The following CPNE4 variants were observed in gnomAD, a reference collection of about 807,000 sequenced individuals.
The protein encoded by CPNE4 is copine-4.
Under a neutral mutation model 67.9 loss-of-function variants are expected in CPNE4, and 25 were observed. The observed-to-expected ratio is 0.37, with a 90% confidence interval of 0.27 to 0.51. The LOEUF (loss-of-function observed/expected upper bound fraction) is 0.51, where lower values mean the gene tolerates loss of function less well. Ranked by LOEUF, CPNE4 falls within the 20% of genes least tolerant of loss-of-function variation. The pLI is 0.93. For synonymous variants in CPNE4, 242 were observed against 244.9 expected (o/e 0.99, Z 0.11); for missense variants, 464 against 690.8 (o/e 0.67, Z 3.68).
intron 1 of CPNE4, among the ~76,000 whole-genome samples, chr3:131,973,303 T>C (rs769855095): frequency 2.0e-5 from 3 of 152,192 alleles, no homozygotes; most frequent in Non-Finnish European, 4.4e-5. Flanking sequence ...CAAGCCTCTG[T>C]TCTATGGACT....
chr3:131,790,421 C>T (rs888146120), intron 2 of CPNE4, among the ~76,000 whole-genome samples: 3 of 152,142 alleles, frequency 2.0e-5, no homozygotes, highest in African/African-American at 7.2e-5. Flanking sequence ...ATACCCCCTA[C>T]CCCAAAATTG....
At chr3:131,928,347 T>C (rs1179596488) in intron 1 of CPNE4, among the ~76,000 whole-genome samples, 2 of 152,180 alleles carry the variant, frequency 1.3e-5, no homozygotes, top group East Asian at 3.9e-4. Flanking sequence ...ATTAGGATTG[T>C]ATTTAACACA....
rs374294088 is a variant in CPNE4 at position 131,698,220 on chromosome 3, C to A, written c.433-1604G>T. ...ACTGTGCTCCAGCCTGGGAGAGGGG[C>A]AAGGCTCTGTCTCAAAAAAAAAAAA... On this transcript the variant is annotated intron_variant, in intron 4 of 15. Coordinates refer to ENST00000429747, the MANE Select transcript of CPNE4 (RefSeq NM_130808.3). 4.6e-4 allele frequency among the ~76,000 whole-genome samples: 34 copies of A among 74,178 alleles called. 1 individual carries two copies. The highest frequency in any genetic ancestry group is 1.5e-3 in the African/African-American group (25 of 16,378). The allele number at this position is 74,178 out of a possible 152,430, so 48.7% of individuals were successfully genotyped here. A position where few individuals can be genotyped will look rare whatever the true frequency, so the allele number is the denominator to read the frequency against.
chr3:131,587,431 TA>T, intron 8 of CPNE4, 52 bp downstream of exon 8: 1 of 1,120,688 alleles, frequency 8.9e-7, no homozygotes, highest in Non-Finnish European at 1.4e-6. Context: ...AGCTGTGTTC[TA>T]AGGATGCATC....
At chr3:131,801,638 G>T (rs886115885) in intron 2 of CPNE4, among the ~76,000 whole-genome samples, 1 of 149,910 alleles carries the variant, frequency 6.7e-6, no homozygotes, top group Non-Finnish European at 1.5e-5. Flanking sequence ...AGGTTGGAGA[G>T]GTATGGGTCG....
chr3:131,696,949 C>T (rs2107697208), intron 4 of CPNE4, among the ~76,000 whole-genome samples: 1 of 152,314 alleles, frequency 6.6e-6, no homozygotes, highest in Middle Eastern at 3.4e-3. Context: ...CTATAATTAA[C>T]TACAATGTCT....
At chr3:131,725,496 G>C (rs1583088135) in intron 2 of CPNE4, among the ~76,000 whole-genome samples, 1 of 152,308 alleles carries the variant, frequency 6.6e-6, no homozygotes, top group East Asian at 1.9e-4. Flanking sequence ...AGCTTCCCCA[G>C]GAAGACCCAG....
chr3:131,814,106 A>C (rs1161745983), intron 2 of CPNE4, among the ~76,000 whole-genome samples: 1 of 152,192 alleles, frequency 6.6e-6, no homozygotes, highest in Non-Finnish European at 1.5e-5. Flanking sequence ...AGGCACCTAT[A>C]TACATGGGGG....
rs1284677298 is a variant in CPNE4 at position 131,799,901 on chromosome 3, TGC to T, written c.181-76278_181-76277del. ...CATCAGGTGGATTGTTTTTTGTTGG[TGC>T]GTGTGTGTGTGTGTGTTGTGTGTGT... On this transcript the variant is annotated intron_variant, in intron 2 of 15. Coordinates refer to ENST00000429747, the MANE Select transcript of CPNE4 (RefSeq NM_130808.3). 5.5e-3 allele frequency among the ~76,000 whole-genome samples: 562 copies of T among 102,052 alleles called. 5 individuals carry two copies. Among genetic ancestry groups the T allele is most frequent in the African/African-American group, 0.021 (535 of 25,264 alleles). 67.0% of individuals were successfully genotyped at this position (102,052 alleles called of 152,430 possible).
intron 2 of CPNE4, among the ~76,000 whole-genome samples, chr3:131,828,743 G>T (rs895596095): frequency 2.0e-5 from 3 of 152,078 alleles, no homozygotes; most frequent in Non-Finnish European, 4.4e-5. Context: ...TGAGGTGAGA[G>T]GATCACTTGA....
chr3:131,952,781 C>T (rs995958505), intron 1 of CPNE4, among the ~76,000 whole-genome samples: 1 of 151,850 alleles, frequency 6.6e-6, no homozygotes, highest in Non-Finnish European at 1.5e-5. Flanking sequence ...ATGACCATGG[C>T]GGTTTTGTGG....
At chr3:131,722,447 C>T (rs1382758312) in intron 3 of CPNE4, among the ~76,000 whole-genome samples, 2 of 150,630 alleles carry the variant, frequency 1.3e-5, no homozygotes, top group Non-Finnish European at 2.9e-5. Context: ...CCCCATACCC[C>T]CCCACGTTTG....
At chr3:131,572,392 CCTT>C (rs1488705404) in intron 10 of CPNE4, among the ~76,000 whole-genome samples, 1 of 152,034 alleles carries the variant, frequency 6.6e-6, no homozygotes, top group East Asian at 1.9e-4. Flanking sequence ...GGAACTGTGA[CCTT>C]CTGTCAGGAA....
At chr3:131,645,200 C>A (rs1406935751) in intron 7 of CPNE4, among the ~76,000 whole-genome samples, 1 of 152,178 alleles carries the variant, frequency 6.6e-6, no homozygotes, top group East Asian at 1.9e-4. Flanking sequence ...GGGACTCATC[C>A]TTTAGAACAA....
At chr3:131,667,602 T>G (rs1422299145) in intron 7 of CPNE4, among the ~76,000 whole-genome samples, 1 of 151,484 alleles carries the variant, frequency 6.6e-6, no homozygotes, top group Non-Finnish European at 1.5e-5. Context: ...CTCTCCCCCC[T>G]CCCTTCCTTC....
intron 1 of CPNE4, among the ~76,000 whole-genome samples, chr3:131,984,430 T>C (rs2072992183): frequency 6.6e-6 from 1 of 152,214 alleles, no homozygotes. Context: ...TTTGTAAATA[T>C]TAGAGCTGGG....
intron 2 of CPNE4, among the ~76,000 whole-genome samples, chr3:131,743,606 A>G (rs1247270324): frequency 6.6e-6 from 1 of 152,226 alleles, no homozygotes; most frequent in East Asian, 1.9e-4. Context: ...AGAGTTAAAT[A>G]TCAGGAAATT....
chr3:131,553,059 C>CTT (rs1416755675), intron 12 of CPNE4, among the ~76,000 whole-genome samples: 1 of 152,042 alleles, frequency 6.6e-6, no homozygotes, highest in Non-Finnish European at 1.5e-5. Context: ...AAGTAATATA[C>CTT]TTTGTAATAT....
intron 1 of CPNE4, among the ~76,000 whole-genome samples, chr3:131,909,360 T>C (rs1276143259): frequency 1.3e-5 from 2 of 152,128 alleles, no homozygotes; most frequent in African/African-American, 2.4e-5. Flanking sequence ...TCTTGGTCCA[T>C]ATAAAAGATA....
Sources: gnomAD v4.1 joint callset for allele counts (sites outside exome capture counted in the v4.1 genomes callset) on GRCh38, gnomAD v4.1.1 for gene constraint, MANE v1.5 for transcripts, NCBI Gene and HGNC (gene_info 2026-07-23, HGNC 2026-07-21) for gene names.